L3MBTL4: variants seen among roughly 807,000 people sequenced by gnomAD.
The protein encoded by L3MBTL4 is lethal(3)malignant brain tumor-like protein 4.
In L3MBTL4, 70 loss-of-function variants were observed where a neutral mutation model predicts 84.5. That is an observed-to-expected ratio of 0.83 (90% confidence interval 0.68 to 1.01). The LOEUF (loss-of-function observed/expected upper bound fraction) is 1.01. Ranked by LOEUF, L3MBTL4 falls within the 50% of genes least tolerant of loss-of-function variation. L3MBTL4 has a pLI of 0.00. For synonymous variants in L3MBTL4, 274 were observed against 259.8 expected (o/e 1.05, Z -0.52); for missense variants, 715 against 754.8 (o/e 0.95, Z 0.62).
At chr18:6,106,144 A>G (rs1188111606) in intron 14 of L3MBTL4, among the ~76,000 whole-genome samples, 2 of 152,238 alleles carry the variant, frequency 1.3e-5, no homozygotes, top group African/African-American at 4.8e-5. Flanking sequence ...CTAAGAAGTT[A>G]TACAGATAGG....
At chr18:6,300,731 T>C (rs1413351986) in intron 4 of L3MBTL4, among the ~76,000 whole-genome samples, 2 of 152,164 alleles carry the variant, frequency 1.3e-5, no homozygotes, top group Admixed American at 6.5e-5. Flanking sequence ...TGTGAAAATA[T>C]AGCTGCAGGG....
chr18:6,213,725 A>G (rs1157355601), intron 11 of L3MBTL4, among the ~76,000 whole-genome samples: 1 of 152,164 alleles, frequency 6.6e-6, no homozygotes, highest in Non-Finnish European at 1.5e-5. Flanking sequence ...ACTTAGTTTT[A>G]AGAGCACATA....
chr18:6,173,031 T>C (rs989687884), intron 12 of L3MBTL4, among the ~76,000 whole-genome samples: 5 of 152,176 alleles, frequency 3.3e-5, no homozygotes, highest in Admixed American at 6.5e-5. Flanking sequence ...AAAATGCAAA[T>C]TCTTGGCTCC....
At chr18:6,383,570 C>T (rs2054688325) in intron 1 of L3MBTL4, among the ~76,000 whole-genome samples, 2 of 152,148 alleles carry the variant, frequency 1.3e-5, no homozygotes, top group Non-Finnish European at 1.5e-5. Flanking sequence ...GAGAAAATTC[C>T]CCAACCTCTT....
intron 14 of L3MBTL4, among the ~76,000 whole-genome samples, chr18:6,102,915 C>T (rs1446477226): frequency 6.6e-6 from 1 of 152,110 alleles, no homozygotes; most frequent in African/African-American, 2.4e-5. Context: ...GGAAAAAATG[C>T]ATTAAGAGTG....
chr18:6,322,943 T>C (rs2051505021), intron 1 of L3MBTL4, among the ~76,000 whole-genome samples: 3 of 152,150 alleles, frequency 2.0e-5, no homozygotes, highest in South Asian at 2.1e-4. Context: ...GATTGGATCA[T>C]GAGGGCAGAA....
intron 16 of L3MBTL4, among the ~76,000 whole-genome samples, chr18:6,022,321 C>A (rs188806492): frequency 6.6e-6 from 1 of 152,148 alleles, no homozygotes; most frequent in Non-Finnish European, 1.5e-5. Context: ...CTATGACCAC[C>A]GTTCTGCTCA....
intron 14 of L3MBTL4, among the ~76,000 whole-genome samples, chr18:6,099,494 G>C (rs1189221997): frequency 1.3e-5 from 2 of 148,744 alleles, no homozygotes; most frequent in African/African-American, 4.9e-5. Flanking sequence ...CATCTGCTGA[G>C]GATGTGACAT....
At chr18:6,215,637 T>C (rs1568327910) in intron 11 of L3MBTL4, 113 bp downstream of exon 11, 2 of 517,142 alleles carry the variant, frequency 3.9e-6, no homozygotes, top group East Asian at 3.1e-5. Context: ...GTTATGAAAT[T>C]ACTACTTGAA....
chr18:6,132,698 T>C (rs1350484900), intron 14 of L3MBTL4, among the ~76,000 whole-genome samples: 1 of 152,222 alleles, frequency 6.6e-6, no homozygotes, highest in African/African-American at 2.4e-5. Flanking sequence ...AATATTCTCT[T>C]GATAATTAGA....
intron 13 of L3MBTL4, among the ~76,000 whole-genome samples, chr18:6,146,484 C>T (rs1419101513): frequency 6.6e-6 from 1 of 152,164 alleles, no homozygotes; most frequent in Non-Finnish European, 1.5e-5. Context: ...GCGCTCAGTC[C>T]ATGCAACGGT....
At chr18:6,045,315 T>C (rs2056567863) in intron 16 of L3MBTL4, among the ~76,000 whole-genome samples, 1 of 152,208 alleles carries the variant, frequency 6.6e-6, no homozygotes, top group African/African-American at 2.4e-5. Flanking sequence ...AAATAAAATC[T>C]TTTCCATATA....
chr18:6,302,755 T>C (rs1272266847), intron 3 of L3MBTL4, among the ~76,000 whole-genome samples: 1 of 152,172 alleles, frequency 6.6e-6, no homozygotes, highest in African/African-American at 2.4e-5. Context: ...GAGGCCAAGG[T>C]AGGTGGATCA....
At chr18:5,993,666 A>G (rs1358401500) in intron 16 of L3MBTL4, among the ~76,000 whole-genome samples, 2 of 152,184 alleles carry the variant, frequency 1.3e-5, no homozygotes, top group Non-Finnish European at 2.9e-5. Flanking sequence ...TCAAGCAAAA[A>G]TTTTACAAAA....
At position 6,414,902 on chromosome 18, in the gene L3MBTL4, C is replaced by G. The variant is rs1386714640; in HGVS notation, c.-192G>C. 6.7e-6 allele frequency: 1 copy of G among 149,474 alleles called. No homozygotes were observed. Among genetic ancestry groups the G allele is most frequent in the African/African-American group, 2.4e-5 (1 of 41,118 alleles). The allele number at this position is 149,474 out of a possible 1,614,324, so 9.3% of individuals were successfully genotyped here. A position where few individuals can be genotyped will look rare whatever the true frequency, so the allele number is the denominator to read the frequency against. ...AGCCCAGGCTGCGGCGCCGCTGCCC[C>G]GCGGTGCCCGGCGGGAGGGGCGCGA... is the stretch of plus-strand genomic sequence containing the variant. On this transcript the variant is annotated 5_prime_UTR_variant, in exon 1 of 19. Transcript: ENST00000317931. The surrounding 1 kb of genome is among the most constrained non-coding windows in gnomAD (Gnocchi z 5.4).
In L3MBTL4 at chr18:5,955,778, T is replaced by C. The variant is rs1377514661; in HGVS notation, c.*442A>G. On this transcript the variant is annotated 3_prime_UTR_variant, in exon 19 of 19. Transcript: ENST00000317931. ...TAGCTCTTAGACTAGCTGTGCTCCA[T>C]GGCAGATCTGAGCCAAGCTCGATGT... 1 of 153,592 alleles carries C rather than the reference T, an allele frequency of 6.5e-6. No individual in the cohort carries two copies. The highest frequency in any genetic ancestry group is 6.5e-5 in the Admixed American group (1 of 15,368). The allele number at this position is 153,592 out of a possible 1,614,324, so 9.5% of individuals were successfully genotyped here.
intron 17 of L3MBTL4, chr18:5,960,635 G>A (rs2095258866): frequency 6.6e-6 from 1 of 152,364 alleles, no homozygotes; most frequent in African/African-American, 2.4e-5. Flanking sequence ...CAGGAGATCA[G>A]AGAATCTATG....
chr18:6,139,381 C>T (rs769401928), intron 13 of L3MBTL4, among the ~76,000 whole-genome samples: 7 of 152,040 alleles, frequency 4.6e-5, no homozygotes, highest in Non-Finnish European at 7.4e-5. Flanking sequence ...TCTAACCATG[C>T]CAAGCATTCT....
chr18:6,008,305 C>T (rs954335583), intron 16 of L3MBTL4, among the ~76,000 whole-genome samples: 13 of 152,178 alleles, frequency 8.5e-5, no homozygotes, highest in African/African-American at 3.1e-4. Flanking sequence ...TTGGTTTTTG[C>T]TGTTCTAGAG....
Sources: allele counts gnomAD v4.1 joint callset (sites outside exome capture counted in the v4.1 genomes callset), GRCh38; gene constraint gnomAD v4.1.1; non-coding constraint Gnocchi (gnomAD v3.1); transcripts MANE v1.5; gene names NCBI Gene and HGNC (gene_info 2026-07-23, HGNC 2026-07-21).